MTMR8: variants seen among roughly 807,000 people sequenced by gnomAD.
MTMR8 encodes the protein phosphatidylinositol-3,5-bisphosphate 3-phosphatase MTMR8.
Under a neutral mutation model 39.3 loss-of-function variants are expected in MTMR8, and 65 were observed. That is an observed-to-expected ratio of 1.65 (90% CI 1.35 to 2.03). MTMR8 has a LOEUF of 2.03. Among genes scored for constraint, MTMR8 ranks in the 30% most tolerant of loss-of-function variants. MTMR8 has a pLI of 0.00. For synonymous variants in MTMR8, 245 were observed against 185.2 expected, an observed-to-expected ratio of 1.32 and a Z score of -2.62; for missense variants, 777 against 538.9, an observed-to-expected ratio of 1.44 and a Z score of -4.37.
At chrX:64,374,338 C>T (rs763934815) in intron 1 of MTMR8, among the ~76,000 whole-genome samples, 1 of 111,928 alleles carries the variant, frequency 8.9e-6, no homozygotes, top group African/African-American at 3.2e-5. Flanking sequence ...GTAGTATCTA[C>T]TATTTTCAGA....
In MTMR8 at chrX:64,337,318, C is replaced by T; in HGVS notation, c.1051G>A (p.Val351Met). The change falls in exon 9 of 14, where the codon GTG becomes ATG. Residue 351 changes from valine (V) to methionine (M), a missense_variant. Val to Met is a conservative substitution (Grantham distance 21, BLOSUM62 1). Transcript: ENST00000374852. The stretch of plus-strand genomic sequence containing the variant: ...AATGGATCTAGGAGGATGCTAGCCA[C>T]TGAGCAGACTTGTGCTGTGCGGTCC... Reference protein sequence around the residue: ...GWDRTAQVCSVASILLDPFYR... With the variant: ...GWDRTAQVCSMASILLDPFYR... The T allele has an allele frequency of 8.3e-7, 1 of 1,210,323 alleles. No individual in the cohort carries two copies. Among genetic ancestry groups the T allele is most frequent in the Non-Finnish European group, 1.1e-6 (1 of 894,391 alleles).
At chrX:64,366,136 G>C (rs775713316) in intron 1 of MTMR8, among the ~76,000 whole-genome samples, 1 of 111,439 alleles carries the variant, frequency 9.0e-6, no homozygotes, top group East Asian at 2.8e-4. Flanking sequence ...AAGACACTTA[G>C]ACTCGCACAC....
intron 8 of MTMR8, among the ~76,000 whole-genome samples, chrX:64,342,472 A>G (rs1160049471): frequency 8.9e-6 from 1 of 112,473 alleles, no homozygotes; most frequent in Non-Finnish European, 1.9e-5. Context: ...AATTCAACCA[A>G]TATTTATAAG....
chrX:64,289,071 A>C (rs1252178149), intron 12 of MTMR8, among the ~76,000 whole-genome samples: 1 of 110,410 alleles, frequency 9.1e-6, no homozygotes, highest in Non-Finnish European at 1.9e-5. Flanking sequence ...CTACAACAAC[A>C]ACAACAACAA....
intron 8 of MTMR8, among the ~76,000 whole-genome samples, chrX:64,341,008 C>G (rs1287611541): frequency 8.9e-6 from 1 of 112,057 alleles, no homozygotes; most frequent in African/African-American, 3.2e-5. Context: ...AAATCCACTT[C>G]TATAAAGATA....
At chrX:64,386,074 GTCT>G (rs1229383002) in intron 1 of MTMR8, among the ~76,000 whole-genome samples, 2 of 110,513 alleles carry the variant, frequency 1.8e-5, no homozygotes, top group Non-Finnish European at 3.8e-5. Context: ...TAATAAGGAA[GTCT>G]TCTCTGCTTT....
intron 1 of MTMR8, among the ~76,000 whole-genome samples, chrX:64,380,900 C>T (rs1049739086): frequency 1.8e-5 from 2 of 111,687 alleles, no homozygotes; most frequent in Non-Finnish European, 3.8e-5. Context: ...CAGCTTCATC[C>T]ATGACCCTAC....
rs367653069 is a variant in MTMR8, at chrX:64,365,247, G to A, written c.25-5720C>T. Among the ~76,000 whole-genome samples the A allele has an allele frequency of 1.9e-4, 21 of 110,561 alleles. No homozygotes were observed. In the East Asian group the frequency reaches 5.7e-3, roughly 30 times the overall value. On this transcript the variant is annotated intron_variant, in intron 1 of 13. Coordinates refer to ENST00000374852, the MANE Select transcript of MTMR8 (RefSeq NM_017677.4). ...AAGGGAGGCCAACATTCAAATTCAG[G>A]AAACACAGAGAACACAACAAAGATA...
intron 12 of MTMR8, among the ~76,000 whole-genome samples, chrX:64,315,032 G>A (rs1056594718): frequency 8.9e-6 from 1 of 111,804 alleles, no homozygotes; most frequent in Non-Finnish European, 1.9e-5. Context: ...TAAGACTAAA[G>A]TCTACTATGA....
At chrX:64,290,913 A>G (rs1921371568) in intron 12 of MTMR8, among the ~76,000 whole-genome samples, 1 of 112,031 alleles carries the variant, frequency 8.9e-6, no homozygotes, top group Non-Finnish European at 1.9e-5. Flanking sequence ...AAAATGCTAT[A>G]AGTATTCATG....
intron 12 of MTMR8, among the ~76,000 whole-genome samples, chrX:64,318,443 G>A (rs1420684539): frequency 1.8e-5 from 2 of 110,983 alleles, no homozygotes; most frequent in Non-Finnish European, 3.8e-5. Flanking sequence ...TTCTGTTCCC[G>A]TGTTATGTAT....
intron 7 of MTMR8, among the ~76,000 whole-genome samples, chrX:64,344,316 A>G (rs1923294872): frequency 8.9e-6 from 1 of 111,870 alleles, no homozygotes; most frequent in African/African-American, 3.3e-5. Flanking sequence ...AGGGATGCAG[A>G]CTGAGCAGAT....
chrX:64,310,853 G>T (rs1411122138), intron 12 of MTMR8, among the ~76,000 whole-genome samples: 1 of 111,898 alleles, frequency 8.9e-6, no homozygotes, highest in Non-Finnish European at 1.9e-5. Flanking sequence ...TGGCTGCATA[G>T]TATTCCATGG....
intron 12 of MTMR8, among the ~76,000 whole-genome samples, chrX:64,304,482 A>T (rs766285555): frequency 9.0e-6 from 1 of 111,326 alleles, no homozygotes; most frequent in East Asian, 2.9e-4. Flanking sequence ...TTCATTCAAC[A>T]TTTTCCATTT....
chrX:64,368,665 A>C (rs1373122017), intron 1 of MTMR8, among the ~76,000 whole-genome samples: 1 of 112,127 alleles, frequency 8.9e-6, no homozygotes, highest in African/African-American at 3.2e-5. Context: ...CCTAGAAGAA[A>C]ACCTAGGCAA....
intron 12 of MTMR8, among the ~76,000 whole-genome samples, chrX:64,283,569 C>T (rs964470723): frequency 2.7e-5 from 3 of 112,129 alleles, no homozygotes; most frequent in Admixed American, 9.4e-5. Flanking sequence ...CTGGGAGACA[C>T]CCCCCAGTAG....
chrX:64,279,636 C>T (rs781166646), intron 12 of MTMR8, among the ~76,000 whole-genome samples: 15 of 111,525 alleles, frequency 1.3e-4, no homozygotes, highest in Admixed American at 4.8e-4. Context: ...AAAATACATC[C>T]TAAAATTCAT....
intron 12 of MTMR8, among the ~76,000 whole-genome samples, chrX:64,297,954 T>C (rs1181149542): frequency 2.1e-5 from 2 of 93,364 alleles, no homozygotes; most frequent in African/African-American, 7.9e-5. Flanking sequence ...TCTGTTTTGG[T>C]ACCAGTACCA....
At chrX:64,283,377 C>A (rs924126200) in intron 12 of MTMR8, among the ~76,000 whole-genome samples, 6 of 112,213 alleles carry the variant, frequency 5.3e-5, no homozygotes, top group Non-Finnish European at 9.4e-5. Flanking sequence ...CTGCCTGCAT[C>A]TGTACACTCC....
Sources: allele counts gnomAD v4.1 joint callset (sites outside exome capture counted in the v4.1 genomes callset), GRCh38; gene constraint gnomAD v4.1.1; transcripts MANE v1.5; gene names NCBI Gene and HGNC (gene_info 2026-07-23, HGNC 2026-07-21).